Variants in INPP4B observed in about 807,000 individuals in gnomAD.
INPP4B encodes the protein inositol polyphosphate-4-phosphatase type II B, also known as inositol polyphosphate 4-phosphatase type II.
In INPP4B, 55 loss-of-function variants were observed where a neutral mutation model predicts 122.5. That is an observed-to-expected ratio of 0.45 (90% CI 0.36 to 0.56). The LOEUF (loss-of-function observed/expected upper bound fraction) is 0.56. INPP4B is among the 20% of genes least tolerant of loss of function. INPP4B has a pLI of 0.00. For missense variants in INPP4B, 1,000 were observed against 1,097.7 expected, an observed-to-expected ratio of 0.91 and a Z score of 1.26; for synonymous variants, 403 against 388.7, an observed-to-expected ratio of 1.04 and a Z score of -0.43.
rs867630650 is a variant in INPP4B at position 142,082,314 on chromosome 4, A to G, written c.2488-129T>C. 22 of 673,160 alleles carry G rather than the reference A, an allele frequency of 3.3e-5. No homozygotes were observed. In the African/African-American group the frequency reaches 3.4e-4, roughly 10 times the overall value. The allele number at this position is 673,160 out of a possible 1,614,324, so 41.7% of individuals were successfully genotyped here. A position where few individuals can be genotyped will look rare whatever the true frequency, so the allele number is the denominator to read the frequency against. ...GGTTTCTGTTAGTTTATGATAGTCA[A>G]TTTGTTCAATCGGTCTCATCAAATG... On this transcript the variant is annotated intron_variant, in intron 24 of 25. Transcript: ENST00000262992.
chr4:142,233,140 A>T (rs1023567850), intron 12 of INPP4B, among the ~76,000 whole-genome samples: 3 of 152,100 alleles, frequency 2.0e-5, no homozygotes, highest in Non-Finnish European at 4.4e-5. Flanking sequence ...ATCATTGATG[A>T]ATGTGGTCTG....
chr4:142,843,070 G>A (rs933854379), intron 1 of INPP4B, among the ~76,000 whole-genome samples: 7 of 150,282 alleles, frequency 4.7e-5, no homozygotes, highest in African/African-American at 1.7e-4. Flanking sequence ...TTTGATTCAA[G>A]TGACCATTGT....
chr4:142,407,731 A>C lies in INPP4B; in HGVS notation c.137-2407T>G, dbSNP rs1803741296. Among the ~76,000 whole-genome samples, 3 of 152,118 alleles carry C rather than the reference A, an allele frequency of 2.0e-5. No homozygotes were observed. In the South Asian group the frequency reaches 6.2e-4, roughly 31 times the overall value. On this transcript the variant is annotated intron_variant, in intron 5 of 25. Transcript: ENST00000262992. Reference sequence around the variant, plus strand: ...AGCATGATATCCTGGAGAGAACCCGAGATCAGGCAGAATTCCTAAGCTGTG... The same window carrying C: ...AGCATGATATCCTGGAGAGAACCCGCGATCAGGCAGAATTCCTAAGCTGTG...
intron 2 of INPP4B, among the ~76,000 whole-genome samples, chr4:142,681,581 A>G (rs566619969): frequency 8.6e-5 from 13 of 151,996 alleles, no homozygotes; most frequent in East Asian, 3.9e-4. Context: ...GAGAGAGAGC[A>G]TGATAGAAGA....
intron 16 of INPP4B, among the ~76,000 whole-genome samples, chr4:142,161,774 A>G (rs1284935188): frequency 6.6e-6 from 1 of 151,986 alleles, no homozygotes; most frequent in African/African-American, 2.4e-5. Context: ...CTCATTTGCC[A>G]TAGATCATAA....
At chr4:142,401,907 A>C (rs2149143960) in intron 7 of INPP4B, among the ~76,000 whole-genome samples, 1 of 152,344 alleles carries the variant, frequency 6.6e-6, no homozygotes, top group Non-Finnish European at 1.5e-5. Context: ...TCTGGGGCTA[A>C]GATGCATAGA....
At chr4:142,722,490 A>C (rs535153196) in intron 2 of INPP4B, among the ~76,000 whole-genome samples, 4 of 152,202 alleles carry the variant, frequency 2.6e-5, no homozygotes, top group Non-Finnish European at 5.9e-5. Flanking sequence ...TAGTTCTGAG[A>C]GTTTCAAAAA....
intron 25 of INPP4B, among the ~76,000 whole-genome samples, chr4:142,042,002 T>C (rs191186090): frequency 6.6e-6 from 1 of 152,290 alleles, no homozygotes; most frequent in Non-Finnish European, 1.5e-5. Context: ...TTCAGACATC[T>C]GTATTAAACA....
At chr4:142,398,251 G>T (rs1482035703) in intron 7 of INPP4B, among the ~76,000 whole-genome samples, 4 of 150,208 alleles carry the variant, frequency 2.7e-5, no homozygotes, top group African/African-American at 9.8e-5. Context: ...GGTGGCGGGC[G>T]CCTGTAGTCC....
intron 2 of INPP4B, among the ~76,000 whole-genome samples, chr4:142,644,828 G>C (rs1411562722): frequency 1.4e-5 from 2 of 146,496 alleles, no homozygotes; most frequent in African/African-American, 5.0e-5. Context: ...ACTTGAACCT[G>C]GGTGGTGGAA....
At chr4:142,185,738 G>T (rs1475756631) in intron 15 of INPP4B, among the ~76,000 whole-genome samples, 1 of 151,768 alleles carries the variant, frequency 6.6e-6, no homozygotes, top group Non-Finnish European at 1.5e-5. Flanking sequence ...AATTAGCCGC[G>T]CGTGGTGGCA....
At chr4:142,251,992 C>G (rs2636657) in intron 11 of INPP4B, among the ~76,000 whole-genome samples, 1 of 152,120 alleles carries the variant, frequency 6.6e-6, no homozygotes, top group Non-Finnish European at 1.5e-5. Flanking sequence ...CACAGCCTAT[C>G]GCTTATGAGC....
intron 25 of INPP4B, among the ~76,000 whole-genome samples, chr4:142,043,421 C>T (rs200420114): frequency 6.6e-6 from 1 of 152,142 alleles, no homozygotes; most frequent in African/African-American, 2.4e-5. Context: ...TATCATCATT[C>T]ATTTCTTCTA....
At chr4:142,402,620 A>G (rs1020331467) in intron 7 of INPP4B, among the ~76,000 whole-genome samples, 4 of 152,178 alleles carry the variant, frequency 2.6e-5, no homozygotes, top group Admixed American at 1.3e-4. Context: ...AAAGTTTTAA[A>G]TATTGCCTAA....
At chr4:142,220,105 T>C (rs1351084017) in intron 12 of INPP4B, among the ~76,000 whole-genome samples, 2 of 152,196 alleles carry the variant, frequency 1.3e-5, no homozygotes, top group African/African-American at 4.8e-5. Context: ...AGAAGTACAG[T>C]GACTTCGTTG....
intron 9 of INPP4B, 42 bp downstream of exon 9, chr4:142,305,416 G>T (rs1174434993): frequency 1.4e-6 from 2 of 1,432,016 alleles, no homozygotes; most frequent in Non-Finnish European, 1.9e-6. Flanking sequence ...AATATCACTT[G>T]TTATTAACTT....
chr4:142,796,016 A>T (rs953494561), intron 1 of INPP4B, among the ~76,000 whole-genome samples: 1 of 151,970 alleles, frequency 6.6e-6, no homozygotes, highest in Admixed American at 6.6e-5. Flanking sequence ...TTCCACGTTC[A>T]TTGCATTTTA....
chr4:142,501,460 T>A (rs985910093), intron 2 of INPP4B, among the ~76,000 whole-genome samples: 4 of 152,044 alleles, frequency 2.6e-5, no homozygotes, highest in Non-Finnish European at 5.9e-5. Context: ...AGTGAAGAAG[T>A]GAATTATCAC....
chr4:142,220,636 A>T (rs1311023438), intron 12 of INPP4B, among the ~76,000 whole-genome samples: 1 of 152,174 alleles, frequency 6.6e-6, no homozygotes, highest in Non-Finnish European at 1.5e-5. Flanking sequence ...CAGGCAGTTT[A>T]GCTTTGGAGC....
Sources: allele counts gnomAD v4.1 joint callset (sites outside exome capture counted in the v4.1 genomes callset), GRCh38; gene constraint gnomAD v4.1.1; transcripts MANE v1.5; gene names NCBI Gene and HGNC (gene_info 2026-07-23, HGNC 2026-07-21).